Variants in RC3H1 observed in about 807,000 individuals in gnomAD.
RC3H1 encodes the protein roquin-1.
Under a neutral mutation model 138.2 loss-of-function variants are expected in RC3H1, and 50 were observed. The observed-to-expected ratio is 0.36, with a 90% confidence interval of 0.29 to 0.46. The LOEUF (loss-of-function observed/expected upper bound fraction) is 0.46, where lower values mean the gene tolerates loss of function less well. RC3H1 is among the 20% of genes least tolerant of loss of function. The pLI, the probability that RC3H1 is intolerant of heterozygous loss-of-function variation, is 1.00. For missense variants in RC3H1, 1,031 were observed against 1,388.1 expected, an observed-to-expected ratio of 0.74 and a Z score of 4.09; for synonymous variants, 462 against 489.1, an observed-to-expected ratio of 0.94 and a Z score of 0.73.
chr1:174,021,746 G>A (rs984478985), intron 1 of RC3H1, among the ~76,000 whole-genome samples: 1 of 152,130 alleles, frequency 6.6e-6, no homozygotes, highest in Admixed American at 6.5e-5. Context: ...GTTCCCGTGC[G>A]CATTCCCCGC....
intron 13 of RC3H1, 99 bp from the exon 14 acceptor site, chr1:173,952,237 T>G (rs1347748476): frequency 1.3e-6 from 1 of 780,300 alleles, no homozygotes; most frequent in African/African-American, 1.8e-5. Flanking sequence ...AGCAGGGAAT[T>G]TCTTAGAACA....
chr1:173,998,675 CTAAATTCTGGT>C (rs1166415647), intron 1 of RC3H1, among the ~76,000 whole-genome samples: 6 of 152,160 alleles, frequency 3.9e-5, no homozygotes, highest in Admixed American at 2.0e-4. Flanking sequence ...ATCCCAATGT[CTAAATTCTGGT>C]TAAGAACCAC....
chr1:173,979,891 CCT>C (rs1660737072), intron 6 of RC3H1, among the ~76,000 whole-genome samples: 1 of 152,078 alleles, frequency 6.6e-6, no homozygotes, highest in Non-Finnish European at 1.5e-5. Flanking sequence ...TTATGTACCG[CCT>C]TTTTATCCCC....
At chr1:174,004,340 C>T (rs1388544824) in intron 1 of RC3H1, among the ~76,000 whole-genome samples, 2 of 151,938 alleles carry the variant, frequency 1.3e-5, no homozygotes, top group African/African-American at 2.4e-5. Context: ...GTCTCAAACT[C>T]CTGGGCTCAA....
At chr1:173,991,505 T>C (rs1051605697) in intron 2 of RC3H1, among the ~76,000 whole-genome samples, 1 of 152,260 alleles carries the variant, frequency 6.6e-6, no homozygotes, top group Non-Finnish European at 1.5e-5. Context: ...CTGTATGATG[T>C]TGAACAGAAA....
At chr1:173,978,971 G>A (rs867831686) in intron 6 of RC3H1, among the ~76,000 whole-genome samples, 5 of 152,024 alleles carry the variant, frequency 3.3e-5, no homozygotes, top group African/African-American at 9.7e-5. Flanking sequence ...TTTCCTCATC[G>A]CTTTTAATAA....
chr1:173,978,132 G>C (rs1172068364), intron 7 of RC3H1, among the ~76,000 whole-genome samples: 1 of 152,074 alleles, frequency 6.6e-6, no homozygotes, highest in East Asian at 1.9e-4. Context: ...TCAAGGAAAT[G>C]CAACTAAGGA....
chr1:173,932,507 T>C lies in RC3H1; in HGVS notation c.*6214A>G, dbSNP rs1164228523. 7 of 152,190 alleles carry C rather than the reference T, an allele frequency of 4.6e-5. No homozygotes were observed. The highest frequency in any genetic ancestry group is 3.3e-4 in the Admixed American group (5 of 15,278). 9.4% of individuals were successfully genotyped at this position (152,190 alleles called of 1,614,324 possible). The stretch of plus-strand genomic sequence containing the variant: ...GTCATAGATTAATCATAAAGAAAGA[T>C]AATGAGACCTGTGGACTAATTAATT... On this transcript the variant is annotated 3_prime_UTR_variant, in exon 20 of 20. Transcript: ENST00000367696.
At chr1:173,979,318 A>G (rs1351485658) in intron 6 of RC3H1, among the ~76,000 whole-genome samples, 1 of 152,222 alleles carries the variant, frequency 6.6e-6, no homozygotes, top group Non-Finnish European at 1.5e-5. Context: ...TTCAGTTCAG[A>G]CAAGATTAAC....
rs1658612242 is a variant in RC3H1, at chr1:173,936,755, ATATATATTTTTTTTT to A, written c.*1951_*1965del. 1 of 40,722 alleles carries A rather than the reference ATATATATTTTTTTTT, an allele frequency of 2.5e-5. No homozygotes were observed. Among genetic ancestry groups the A allele is most frequent in the Admixed American group, 2.6e-4 (1 of 3,784 alleles). 2.5% of individuals were successfully genotyped at this position (40,722 alleles called of 1,614,324 possible). On this transcript the variant is annotated 3_prime_UTR_variant, in exon 20 of 20. Transcript: ENST00000367696. The stretch of plus-strand genomic sequence containing the variant: ...CATATATATATATATATATATATAT[ATATATATTTTTTTTT>A]TTTTTTTTAAAAAAAGAAGACAAAT...
rs1365368229 is a variant in RC3H1, at chr1:173,936,604, C to G, written c.*2117G>C. 2.0e-5 allele frequency: 3 copies of G among 147,108 alleles called. No individual in the cohort carries two copies. Among genetic ancestry groups the G allele is most frequent in the African/African-American group, 7.5e-5 (3 of 40,166 alleles). 9.1% of individuals were successfully genotyped at this position (147,108 alleles called of 1,614,324 possible). ...CAGAGAAATGAAAAATCTTGGGACT[C>G]TGTCAGACATACAAAAGTTTCTTTC... On this transcript the variant is annotated 3_prime_UTR_variant, in exon 20 of 20. Coordinates refer to ENST00000367696, the MANE Select transcript of RC3H1 (RefSeq NM_172071.4).
At chr1:173,979,526 C>T (rs968829076) in intron 6 of RC3H1, among the ~76,000 whole-genome samples, 4 of 152,044 alleles carry the variant, frequency 2.6e-5, no homozygotes, top group South Asian at 2.1e-4. Context: ...TGTGGTAGTG[C>T]GTGCCTGTAA....
intron 9 of RC3H1, 95 bp from the exon 10 acceptor site, chr1:173,965,215 T>C (rs1433306295): frequency 1.8e-6 from 2 of 1,096,896 alleles, no homozygotes; most frequent in African/African-American, 3.2e-5. Flanking sequence ...AAATATTCTC[T>C]CTTGAAACAT....
intron 5 of RC3H1, among the ~76,000 whole-genome samples, chr1:173,982,279 T>G (rs1404524529): frequency 6.6e-6 from 1 of 151,244 alleles, no homozygotes; most frequent in African/African-American, 2.4e-5. Flanking sequence ...CTCGGGAGGC[T>G]GAGACAGGAG....
intron 2 of RC3H1, among the ~76,000 whole-genome samples, chr1:173,989,759 G>A (rs1432593391): frequency 7.1e-4 from 84 of 118,090 alleles, no homozygotes; most frequent in African/African-American, 2.1e-3. Flanking sequence ...TCGCTCTGTC[G>A]CCCAGGCCGG....
chr1:173,965,398 C>T (rs988134451), intron 9 of RC3H1, among the ~76,000 whole-genome samples: 1 of 151,990 alleles, frequency 6.6e-6, no homozygotes, highest in Admixed American at 6.6e-5. Context: ...CGAGACCAGT[C>T]TGGCCAACAT....
intron 7 of RC3H1, among the ~76,000 whole-genome samples, chr1:173,976,226 C>T (rs1317031372): frequency 6.6e-6 from 1 of 151,900 alleles, no homozygotes; most frequent in African/African-American, 2.4e-5. Context: ...CACCTGAGTT[C>T]AGGAGTTTGA....
chr1:173,943,469 G>A lies in RC3H1; in HGVS notation c.3108C>T (p.Ile1036=), dbSNP rs753016379. ...SLELHQVERE[I]GKRTRELSME... ...TACTCAGTTCCCGTGTTCTCTTCCC[G>A]ATTTCCCTTTCCACCTGGTGCAGTT... Residue 1036 remains isoleucine, a synonymous_variant, in exon 18 of 20, where the codon ATC becomes ATT. Coordinates refer to ENST00000367696, the MANE Select transcript of RC3H1 (RefSeq NM_172071.4). 18 of 1,613,098 alleles carry A rather than the reference G, an allele frequency of 1.1e-5. No individual in the cohort carries two copies. The highest frequency in any genetic ancestry group is 6.7e-5 in the East Asian group (3 of 44,848).
At chr1:173,967,298 A>G (rs1660163513) in intron 9 of RC3H1, among the ~76,000 whole-genome samples, 2 of 152,102 alleles carry the variant, frequency 1.3e-5, no homozygotes, top group African/African-American at 4.8e-5. Flanking sequence ...CCAGCCTGGG[A>G]GACAGAGTAA....
Sources: allele counts gnomAD v4.1 joint callset (sites outside exome capture counted in the v4.1 genomes callset), GRCh38; gene constraint gnomAD v4.1.1; transcripts MANE v1.5; gene names NCBI Gene and HGNC (gene_info 2026-07-23, HGNC 2026-07-21).